NUP214: variants seen among roughly 807,000 people sequenced by gnomAD.
NUP214 encodes nuclear pore complex protein Nup214.
In NUP214, 79 loss-of-function variants were observed where a neutral mutation model predicts 196.2. The ratio of observed to expected loss-of-function variants is 0.40; its 90% CI spans 0.34 to 0.49. The LOEUF (loss-of-function observed/expected upper bound fraction) is 0.49, where lower values mean the gene tolerates loss of function less well. Ranked by LOEUF, NUP214 falls within the 20% of genes least tolerant of loss-of-function variation. The probability of loss-of-function intolerance (pLI) is 0.58; values close to 1 mark genes in which losing one functional copy is unlikely to be tolerated. For missense variants in NUP214, 2,468 were observed against 2,539.0 expected, an observed-to-expected ratio of 0.97 and a Z score of 0.60; for synonymous variants, 1,020 against 990.5, an observed-to-expected ratio of 1.03 and a Z score of -0.56.
rs1220229351 is a variant in NUP214, at chr9:131,129,386, T to G, written c.501T>G (p.Val167=). The change falls in exon 4 of 36, where the codon GTT becomes GTG. Residue 167 remains valine, a synonymous_variant. Coordinates refer to ENST00000359428, the MANE Select transcript of NUP214 (RefSeq NM_005085.4). ...WNPTVPSMVA[V]CLADGSIAVL... is the part of the protein sequence containing the mutation. ...CCACTGTCCCCTCCATGGTGGCAGT[T>G]TGTCTGGCTGATGGTAGTATTGCTG... 1.2e-6 allele frequency: 2 copies of G among 1,614,082 alleles called. No individual in the cohort carries two copies. Among genetic ancestry groups the G allele is most frequent in the East Asian group, 4.5e-5 (2 of 44,896 alleles).
At position 131,198,342 on chromosome 9, in the gene NUP214, A is replaced by T; in HGVS notation, c.4848A>T (p.Ile1616=). 6.2e-7 allele frequency: 1 copy of T among 1,614,220 alleles called. No individual in the cohort carries two copies. Among genetic ancestry groups the T allele is most frequent in the East Asian group, 2.2e-5 (1 of 44,888 alleles). Reference sequence around the variant, plus strand: ...CCGTCGAAACATCAAGTACCCCCATAGCCTCCAGCACCACGTCCATTGTTG... The same window carrying T: ...CCGTCGAAACATCAAGTACCCCCATTGCCTCCAGCACCACGTCCATTGTTG... ...PVAVETSSTP[I]ASSTTSIVAP... The change falls in exon 29 of 36, where the codon ATA becomes ATT. Residue 1616 remains isoleucine, a synonymous_variant. Transcript: ENST00000359428.
intron 9 of NUP214, 109 bp downstream of exon 9, chr9:131,136,115 A>C: frequency 1.2e-6 from 1 of 847,408 alleles, no homozygotes; most frequent in East Asian, 2.7e-5. Context: ...ATTTCAGCTT[A>C]CTGCAACCTC....
chr9:131,128,554 T>G, intron 3 of NUP214, 71 bp downstream of exon 3: 1 of 1,371,954 alleles, frequency 7.3e-7, no homozygotes, highest in Non-Finnish European at 9.9e-7. Context: ...AATTACAACT[T>G]GGAAGCTTCA....
At chr9:131,163,984 TC>T in intron 20 of NUP214, 29 bp downstream of exon 20, 3 of 1,612,050 alleles carry the variant, frequency 1.9e-6, no homozygotes, top group Non-Finnish European at 2.5e-6. Flanking sequence ...GTCTTTTAAC[TC>T]CCTTTATTCT....
chr9:131,229,968 C>T (rs879883664), intron 33 of NUP214: 28 of 343,518 alleles, frequency 8.2e-5, no homozygotes, highest in Non-Finnish European at 1.5e-4. Flanking sequence ...AGAAGCTCTC[C>T]CCAACCCAGC....
Position 131,178,366 on chromosome 9 carries a change from G to A in NUP214, c.3375G>A (p.Val1125=), listed in dbSNP as rs765547901. 2 of 1,614,068 alleles carry A rather than the reference G, an allele frequency of 1.2e-6. No homozygotes were observed. The highest frequency in any genetic ancestry group is 3.3e-5 in the Admixed American group (2 of 60,028). Residue 1125 remains valine (V), a synonymous_variant, in exon 24 of 36, where the codon GTG becomes GTA. Coordinates refer to ENST00000359428, the MANE Select transcript of NUP214 (RefSeq NM_005085.4). ...TLKNVPQVVN[V]QELKNNPATP... The stretch of plus-strand genomic sequence containing the variant: ...AGAATGTCCCTCAAGTGGTAAATGT[G>A]CAGGAATTGAAGAATAACCCTGCAA...
intron 33 of NUP214, 107 bp from the exon 34 acceptor site, chr9:131,230,523 T>A: frequency 7.4e-7 from 1 of 1,356,946 alleles, no homozygotes. Context: ...TCACCCTGGA[T>A]CATGAGTGTC....
Position 131,233,465 on chromosome 9 carries a change from GT to G in NUP214, c.6255del (p.Phe2085LeufsTer58). On this transcript the variant is annotated frameshift_variant, in exon 36 of 36. Transcript: ENST00000359428. LOFTEE classifies it high-confidence loss of function. The stretch of plus-strand genomic sequence containing the variant: ...GTGCTTCCTTGCAGGTCTGTCCAGG[GT>G]TTTGGTGGCTGGCGAAGCTGAGGGC... ...SFGSNNSSVQ[G>X]FGGWRS 1 of 1,613,474 alleles carries G rather than the reference GT, an allele frequency of 6.2e-7. No individual in the cohort carries two copies. Among genetic ancestry groups the G allele is most frequent in the Non-Finnish European group, 8.5e-7 (1 of 1,179,646 alleles).
rs1834934713 is a variant in NUP214, at chr9:131,233,523, A to G, written c.*36A>G. 6.2e-7 allele frequency: 1 copy of G among 1,612,988 alleles called. No homozygotes were observed. On this transcript the variant is annotated 3_prime_UTR_variant, in exon 36 of 36. Coordinates refer to ENST00000359428, the MANE Select transcript of NUP214 (RefSeq NM_005085.4). ...GCAGGCCTTTCGATCCCTGGGACCA[A>G]CCGCATCCTCAGCTTCTTCCCCGAG...
At chr9:131,200,816 C>T (rs1833920138) in intron 29 of NUP214, among the ~76,000 whole-genome samples, 1 of 151,952 alleles carries the variant, frequency 6.6e-6, no homozygotes, top group African/African-American at 2.4e-5. Context: ...CTGTTCAGCT[C>T]AGCACTTCAA....
chr9:131,174,439 TTTTTTTTC>T lies in NUP214; in HGVS notation c.3157+137_3157+144del, dbSNP rs1200512372. 8.6e-5 allele frequency: 47 copies of T among 544,774 alleles called. No individual in the cohort carries two copies. The African/African-American group carries it at 1.1e-3, about 13-fold the overall frequency. The allele number at this position is 544,774 out of a possible 1,614,324, so 33.7% of individuals were successfully genotyped here. On this transcript the variant is annotated intron_variant, in intron 22 of 35. Transcript: ENST00000359428. Reference sequence around the variant, plus strand: ...GTGGTTGGCTCCAGCCCACTTTTTTTTTTTTTTCTTTTTTTCTTTTTTTTTTTGAGGTG... The same window carrying T: ...GTGGTTGGCTCCAGCCCACTTTTTTTTTTTTTTCTTTTTTTTTTTGAGGTG...
At position 131,147,681 on chromosome 9, in the gene NUP214, C is replaced by T. The variant is rs1832125026; in HGVS notation, c.2040+97C>T. 2.6e-5 allele frequency: 24 copies of T among 932,666 alleles called. No homozygotes were observed. The South Asian group carries it at 2.9e-4, about 11-fold the overall frequency. 57.8% of individuals were successfully genotyped at this position (932,666 alleles called of 1,614,324 possible). A position where few individuals can be genotyped will look rare whatever the true frequency, so the allele number is the denominator to read the frequency against. ...GAGTTTTCATGTTTTATAATTCAGACCTTGGACATAGTAATTGGGACTATG... is the reference window on the plus strand; with the variant it reads ...GAGTTTTCATGTTTTATAATTCAGATCTTGGACATAGTAATTGGGACTATG... On this transcript the variant is annotated intron_variant, in intron 14 of 35. Coordinates refer to ENST00000359428, the MANE Select transcript of NUP214 (RefSeq NM_005085.4).
chr9:131,178,271 T>G (rs932222416), intron 23 of NUP214, 40 bp from the exon 24 acceptor site: 1 of 1,504,998 alleles, frequency 6.6e-7, no homozygotes, highest in Non-Finnish European at 9.2e-7. Context: ...TATCCTTTGC[T>G]GGAATTAATA....
intron 26 of NUP214, among the ~76,000 whole-genome samples, chr9:131,189,721 A>G (rs898345394): frequency 2.0e-5 from 3 of 152,240 alleles, no homozygotes; most frequent in Non-Finnish European, 4.4e-5. Context: ...TGTTTTGACC[A>G]GACACTTTGT....
chr9:131,126,108 G>C lies in NUP214; in HGVS notation c.45+359G>C, dbSNP rs1480173856. On this transcript the variant is annotated intron_variant, in intron 1 of 35. Coordinates refer to ENST00000359428, the MANE Select transcript of NUP214 (RefSeq NM_005085.4). ...AACGTAGAGGAGTAAGTTGAGGCTC[G>C]GAAAGTAATTTCCCTAAAGTCACAT... 20 of 285,330 alleles carry C rather than the reference G, an allele frequency of 7.0e-5. No homozygotes were observed. In the East Asian group the frequency reaches 1.6e-3, roughly 23 times the overall value. 17.7% of individuals were successfully genotyped at this position (285,330 alleles called of 1,614,324 possible).
chr9:131,190,322 C>T, intron 26 of NUP214: 1 of 577,290 alleles, frequency 1.7e-6, no homozygotes, highest in Non-Finnish European at 3.0e-6. Flanking sequence ...GTTTTTGTCA[C>T]TCTTGGAGTT....
chr9:131,227,491 A>C (rs1480167960), intron 32 of NUP214, among the ~76,000 whole-genome samples: 2 of 152,122 alleles, frequency 1.3e-5, no homozygotes, highest in Non-Finnish European at 2.9e-5. Context: ...TAAAAAAAAA[A>C]AAACAAACCT....
chr9:131,174,362 T>G, intron 22 of NUP214, 44 bp downstream of exon 22: 1 of 1,584,440 alleles, frequency 6.3e-7, no homozygotes. Context: ...CCTATGATGT[T>G]TCTAACTAAT....
chr9:131,165,963 A>AT (rs1332278444), intron 21 of NUP214, among the ~76,000 whole-genome samples: 1 of 152,166 alleles, frequency 6.6e-6, no homozygotes, highest in Non-Finnish European at 1.5e-5. Context: ...GTGGGGGGTC[A>AT]TGGGGAGTTA....
Sources: gnomAD v4.1 joint callset for allele counts (sites outside exome capture counted in the v4.1 genomes callset) on GRCh38, gnomAD v4.1.1 for gene constraint, MANE v1.5 for transcripts, NCBI Gene and HGNC (gene_info 2026-07-23, HGNC 2026-07-21) for gene names.